RPS6KA3: variants seen among roughly 807,000 people sequenced by gnomAD.
The protein encoded by RPS6KA3 is ribosomal protein S6 kinase alpha-3.
A neutral mutation model predicts 67.2 loss-of-function variants in RPS6KA3; 4 were observed. The observed-to-expected ratio is 0.06, with a 90% CI of 0.03 to 0.14. RPS6KA3 has a LOEUF of 0.14. Ranked by LOEUF, RPS6KA3 falls within the 10% of genes least tolerant of loss-of-function variation. The pLI, the probability that RPS6KA3 is intolerant of heterozygous loss-of-function variation, is 1.00. For missense variants in RPS6KA3, 204 were observed against 559.0 expected (o/e 0.36, Z 6.40); for synonymous variants, 182 against 183.7 (o/e 0.99, Z 0.07).
At chrX:20,222,418 G>A (rs999021493) in intron 2 of RPS6KA3, among the ~76,000 whole-genome samples, 8 of 111,702 alleles carry the variant, frequency 7.2e-5, no homozygotes, top group Non-Finnish European at 1.3e-4. Flanking sequence ...AAAAACCTAT[G>A]AGTCCTTTCT....
At chrX:20,188,452 A>C (rs1478718421) in intron 8 of RPS6KA3, 45 bp downstream of exon 8, 4 of 696,957 alleles carry the variant, frequency 5.7e-6, no homozygotes, top group Non-Finnish European at 6.8e-6. Context: ...GAAAGTATAT[A>C]TTGTAGGAGA....
chrX:20,191,084 T>C (rs1250514699), intron 7 of RPS6KA3, among the ~76,000 whole-genome samples: 2 of 110,880 alleles, frequency 1.8e-5, no homozygotes, highest in African/African-American at 3.3e-5. Flanking sequence ...TGTGTTCTCA[T>C]TGTTCAACTC....
intron 10 of RPS6KA3, among the ~76,000 whole-genome samples, chrX:20,185,910 T>C (rs184242419): frequency 8.9e-6 from 1 of 112,410 alleles, no homozygotes. Flanking sequence ...GCCAACACTC[T>C]AAAATCTCAT....
In RPS6KA3 at chrX:20,211,508, C is replaced by G. The variant is rs141859153; in HGVS notation, c.127-2104G>C. 5.9e-3 allele frequency among the ~76,000 whole-genome samples: 620 copies of G among 104,675 alleles called. 6 individuals carry two copies. Among genetic ancestry groups the G allele is most frequent in the African/African-American group, 0.02 (572 of 28,883 alleles). 90.9% of individuals were successfully genotyped at this position (104,675 alleles called of 115,157 possible). A position where few individuals can be genotyped will look rare whatever the true frequency, so the allele number is the denominator to read the frequency against. The stretch of plus-strand genomic sequence containing the variant: ...TAGCTCAGTTGATTAGAGCAGTGTT[C>G]TTTGAACTTTTTGGTAGCACATCCT... On this transcript the variant is annotated intron_variant, in intron 2 of 21. Coordinates refer to ENST00000379565, the MANE Select transcript of RPS6KA3 (RefSeq NM_004586.3).
At chrX:20,189,611 A>T (rs969762638) in intron 7 of RPS6KA3, among the ~76,000 whole-genome samples, 3 of 112,208 alleles carry the variant, frequency 2.7e-5, no homozygotes, top group African/African-American at 9.7e-5. Flanking sequence ...AATTGTGTTA[A>T]GTTGGTGCAG....
At chrX:20,224,738 C>T (rs1302428978) in intron 2 of RPS6KA3, among the ~76,000 whole-genome samples, 4 of 111,189 alleles carry the variant, frequency 3.6e-5, no homozygotes, top group Non-Finnish European at 7.5e-5. Context: ...CTTCCTAGAG[C>T]ACTGAGCGGG....
chrX:20,169,535 T>C, intron 15 of RPS6KA3, 44 bp from the exon 16 acceptor site: 1 of 763,965 alleles, frequency 1.3e-6, no homozygotes, highest in Non-Finnish European at 2.0e-6. Flanking sequence ...AACTATACAG[T>C]TATAAACATT....
chrX:20,240,454 T>C (rs758142187), intron 1 of RPS6KA3: 1 of 177,257 alleles, frequency 5.6e-6, no homozygotes, highest in Non-Finnish European at 8.9e-6. Flanking sequence ...CTCTCAAACT[T>C]TGGTTAAGAT....
At chrX:20,168,606 C>G (rs1459668950) in intron 16 of RPS6KA3, among the ~76,000 whole-genome samples, 3 of 110,852 alleles carry the variant, frequency 2.7e-5, no homozygotes, top group Non-Finnish European at 3.8e-5. Context: ...TTGGGGTAGT[C>G]TGGAGAGTGA....
At chrX:20,222,639 T>A (rs781025258) in intron 2 of RPS6KA3, among the ~76,000 whole-genome samples, 54 of 112,152 alleles carry the variant, frequency 4.8e-4, no homozygotes, top group Middle Eastern at 9.1e-3. Context: ...GCCAGAATAA[T>A]CTTTTTTTTG....
At chrX:20,182,569 G>A (rs966011203) in intron 10 of RPS6KA3, among the ~76,000 whole-genome samples, 4 of 112,332 alleles carry the variant, frequency 3.6e-5, no homozygotes, top group African/African-American at 1.3e-4. Flanking sequence ...TCGACTGTAC[G>A]AATATACCAT....
At chrX:20,254,097 A>T (rs1318696094) in intron 1 of RPS6KA3, among the ~76,000 whole-genome samples, 1 of 112,141 alleles carries the variant, frequency 8.9e-6, no homozygotes, top group East Asian at 2.8e-4. Flanking sequence ...AACTTGAAGG[A>T]AAAGAGGCAA....
At chrX:20,163,270 C>G (rs747978208) in intron 18 of RPS6KA3, among the ~76,000 whole-genome samples, 12 of 111,441 alleles carry the variant, frequency 1.1e-4, no homozygotes, top group Non-Finnish European at 1.7e-4. Context: ...TGTAGGTACA[C>G]AGGAATATAA....
At chrX:20,171,428 T>C (rs1203420539) in intron 15 of RPS6KA3, among the ~76,000 whole-genome samples, 1 of 111,904 alleles carries the variant, frequency 8.9e-6, no homozygotes, top group Non-Finnish European at 1.9e-5. Context: ...GTATATGGAA[T>C]AGACATGCTA....
At chrX:20,194,612 T>A (rs965825369) in intron 5 of RPS6KA3, among the ~76,000 whole-genome samples, 1 of 111,033 alleles carries the variant, frequency 9.0e-6, no homozygotes, top group African/African-American at 3.3e-5. Context: ...ATGGGTTGGT[T>A]AGGTTTAATT....
At chrX:20,213,712 G>GAATAA (rs1170602093) in intron 2 of RPS6KA3, among the ~76,000 whole-genome samples, 6 of 104,819 alleles carry the variant, frequency 5.7e-5, no homozygotes, top group African/African-American at 1.4e-4. Context: ...TATAATAATA[G>GAATAA]AATAAAATAA....
chrX:20,222,838 A>T (rs1358992416), intron 2 of RPS6KA3, among the ~76,000 whole-genome samples: 2 of 111,763 alleles, frequency 1.8e-5, no homozygotes, highest in African/African-American at 6.5e-5. Context: ...GCTTCCCATC[A>T]CAGAACAAAC....
intron 4 of RPS6KA3, among the ~76,000 whole-genome samples, chrX:20,202,883 G>A (rs2068476690): frequency 8.9e-6 from 1 of 111,825 alleles, no homozygotes; most frequent in African/African-American, 3.3e-5. Flanking sequence ...AGGGGATTGA[G>A]GATATAATTT....
At chrX:20,253,740 A>G (rs2069952627) in intron 1 of RPS6KA3, among the ~76,000 whole-genome samples, 1 of 111,894 alleles carries the variant, frequency 8.9e-6, no homozygotes, top group African/African-American at 3.3e-5. Context: ...ATTTCCTCCT[A>G]AAGATCCAAT....
Sources: gnomAD v4.1 joint callset for allele counts (sites outside exome capture counted in the v4.1 genomes callset) on GRCh38, gnomAD v4.1.1 for gene constraint, MANE v1.5 for transcripts, NCBI Gene and HGNC (gene_info 2026-07-23, HGNC 2026-07-21) for gene names.